KCNQ5: variants seen among roughly 807,000 people sequenced by gnomAD.
KCNQ5 encodes potassium voltage-gated channel subfamily Q member 5.
Under a neutral mutation model 98.2 loss-of-function variants are expected in KCNQ5, and 30 were observed. The ratio of observed to expected loss-of-function variants is 0.31; its 90% confidence interval spans 0.23 to 0.41. KCNQ5 has a LOEUF of 0.41. KCNQ5 is among the 10% of genes least tolerant of loss of function. The probability of loss-of-function intolerance (pLI) is 1.00; values close to 1 mark genes in which losing one functional copy is unlikely to be tolerated. For synonymous variants in KCNQ5, 458 were observed against 449.4 expected, an observed-to-expected ratio of 1.02 and a Z score of -0.24; for missense variants, 835 against 1,182.5, an observed-to-expected ratio of 0.71 and a Z score of 4.31.
chr6:72,886,693 T>C (rs1003020468), intron 1 of KCNQ5, among the ~76,000 whole-genome samples: 7 of 151,922 alleles, frequency 4.6e-5, no homozygotes, highest in Admixed American at 1.3e-4. Context: ...GCAGACAACA[T>C]AAGAAAGAAT....
chr6:73,145,842 G>A (rs560934605), intron 10 of KCNQ5, among the ~76,000 whole-genome samples: 88 of 152,302 alleles, frequency 5.8e-4, no homozygotes, highest in Non-Finnish European at 1.0e-3. Flanking sequence ...CAGGAAGCAC[G>A]CCTGGGATGC....
At chr6:72,962,256 C>CAT (rs573029479) in intron 1 of KCNQ5, among the ~76,000 whole-genome samples, 2 of 142,930 alleles carry the variant, frequency 1.4e-5, no homozygotes, top group Non-Finnish European at 3.0e-5. Context: ...TATATACACA[C>CAT]ATATATATAT....
intron 10 of KCNQ5, among the ~76,000 whole-genome samples, chr6:73,161,694 C>T (rs1174308716): frequency 6.6e-6 from 1 of 152,142 alleles, no homozygotes; most frequent in East Asian, 1.9e-4. Flanking sequence ...CTAGAAACTA[C>T]CTGTCCTTCT....
intron 1 of KCNQ5, among the ~76,000 whole-genome samples, chr6:72,933,381 G>C (rs993675262): frequency 1.3e-5 from 2 of 152,036 alleles, no homozygotes; most frequent in Non-Finnish European, 2.9e-5. Context: ...TGCTTCTGTC[G>C]GGATGCCATC....
chr6:73,008,336 T>G (rs1769908403), intron 2 of KCNQ5, among the ~76,000 whole-genome samples: 1 of 152,142 alleles, frequency 6.6e-6, no homozygotes. Context: ...TAAAAATACA[T>G]CATTCAACTG....
chr6:72,728,441 T>A (rs2154475667), intron 1 of KCNQ5, among the ~76,000 whole-genome samples: 2 of 152,310 alleles, frequency 1.3e-5, no homozygotes, highest in South Asian at 4.1e-4. Context: ...TCCCAACATG[T>A]AATAGTGGAG....
chr6:73,129,900 T>C, intron 9 of KCNQ5: 1 of 1,470,804 alleles, frequency 6.8e-7, no homozygotes, highest in East Asian at 2.3e-5. Flanking sequence ...CCAACTAACC[T>C]CAGGTGCATG....
rs368222856 is a variant in KCNQ5, at chr6:72,886,622, A to G, written c.399-117286A>G. ...AAAGTGGAGTAATAAAAAGAAATCC[A>G]TACACACTATAGACAAACTGTAGAA... On this transcript the variant is annotated intron_variant, in intron 1 of 13. Coordinates refer to ENST00000370398, the MANE Select transcript of KCNQ5 (RefSeq NM_019842.4). 5.3e-5 allele frequency among the ~76,000 whole-genome samples: 8 copies of G among 152,188 alleles called. No homozygotes were observed. In the East Asian group the frequency reaches 1.3e-3, roughly 26 times the overall value.
chr6:72,905,802 A>AG (rs551496325), intron 1 of KCNQ5, among the ~76,000 whole-genome samples: 1 of 152,096 alleles, frequency 6.6e-6, no homozygotes, highest in Admixed American at 6.6e-5. Flanking sequence ...TAGAGGTGTC[A>AG]GGGGGGTGAA....
chr6:72,653,190 T>C (rs1196349501), intron 1 of KCNQ5, among the ~76,000 whole-genome samples: 1 of 151,948 alleles, frequency 6.6e-6, no homozygotes, highest in African/African-American at 2.4e-5. Flanking sequence ...TTGAAGCCTT[T>C]GTGATGGTGT....
intron 13 of KCNQ5, among the ~76,000 whole-genome samples, chr6:73,193,088 C>T (rs1364779212): frequency 6.0e-5 from 9 of 149,898 alleles, no homozygotes; most frequent in African/African-American, 2.2e-4. Flanking sequence ...TGGCATGCTC[C>T]CAGCTCACTG....
intron 1 of KCNQ5, among the ~76,000 whole-genome samples, chr6:72,766,101 G>C (rs879115799): frequency 6.6e-6 from 1 of 152,006 alleles, no homozygotes; most frequent in Non-Finnish European, 1.5e-5. Flanking sequence ...ATTTTAGATA[G>C]GATGGTCAGG....
In KCNQ5 at chr6:72,779,821, C is replaced by CTGTG. The variant is rs35526812; in HGVS notation, c.398+157292_398+157295dup. On this transcript the variant is annotated intron_variant, in intron 1 of 13. Coordinates refer to ENST00000370398, the MANE Select transcript of KCNQ5 (RefSeq NM_019842.4). ...CACCATGCCCAGCTAATTTAATTTT[C>CTGTG]TGTGTGTGTGTGTGTGTGTGTGTGT... Among the ~76,000 whole-genome samples, 359 of 124,902 alleles carry CTGTG rather than the reference C, an allele frequency of 2.9e-3. 3 individuals are homozygous for CTGTG. Among genetic ancestry groups the CTGTG allele is most frequent in the Non-Finnish European group, 4.6e-3 (273 of 59,076 alleles). The allele number at this position is 124,902 out of a possible 152,430, so 81.9% of individuals were successfully genotyped here.
At chr6:73,023,139 G>T (rs1251944549) in intron 2 of KCNQ5, among the ~76,000 whole-genome samples, 1 of 152,138 alleles carries the variant, frequency 6.6e-6, no homozygotes, top group Non-Finnish European at 1.5e-5. Flanking sequence ...TAAAATAGAG[G>T]CAGAAAAGAT....
chr6:73,141,485 G>A (rs550817104), intron 10 of KCNQ5, among the ~76,000 whole-genome samples: 1 of 152,166 alleles, frequency 6.6e-6, no homozygotes, highest in South Asian at 2.1e-4. Context: ...TCTAATCCAA[G>A]TGCTCTTTGT....
intron 5 of KCNQ5, among the ~76,000 whole-genome samples, chr6:73,097,437 T>C (rs1490678683): frequency 6.6e-6 from 1 of 152,154 alleles, no homozygotes; most frequent in Non-Finnish European, 1.5e-5. Flanking sequence ...AGAAGGAATG[T>C]AACTCAACAC....
At chr6:73,039,388 C>T (rs1771588055) in intron 2 of KCNQ5, among the ~76,000 whole-genome samples, 1 of 151,930 alleles carries the variant, frequency 6.6e-6, no homozygotes, top group African/African-American at 2.4e-5. Context: ...CCTTCTTTTT[C>T]CAATTTCTTG....
intron 10 of KCNQ5, among the ~76,000 whole-genome samples, chr6:73,144,000 T>C (rs1776823821): frequency 6.6e-6 from 1 of 152,192 alleles, no homozygotes; most frequent in East Asian, 1.9e-4. Flanking sequence ...AATTATTTCC[T>C]TCAAAGTCAC....
intron 1 of KCNQ5, among the ~76,000 whole-genome samples, chr6:72,961,985 T>C (rs1345913271): frequency 1.3e-5 from 2 of 151,626 alleles, no homozygotes; most frequent in Admixed American, 6.6e-5. Context: ...GAGATCAGCC[T>C]GGGCAACATG....
Sources: allele counts gnomAD v4.1 joint callset (sites outside exome capture counted in the v4.1 genomes callset), GRCh38; gene constraint gnomAD v4.1.1; transcripts MANE v1.5; gene names NCBI Gene and HGNC (gene_info 2026-07-23, HGNC 2026-07-21).